Variants in PLPP4 observed in about 807,000 individuals in gnomAD.
PLPP4 encodes the protein phospholipid phosphatase 4, also known as diacylglycerol pyrophosphate like 2.
PLPP4 carries 20 observed loss-of-function variants against 32.2 expected under a neutral mutation model. The observed-to-expected ratio is 0.62, with a 90% CI of 0.44 to 0.90. PLPP4 has a LOEUF of 0.90. Ranked by LOEUF, PLPP4 falls within the 40% of genes least tolerant of loss-of-function variation. PLPP4 has a pLI of 0.00. For missense variants in PLPP4, 257 were observed against 353.1 expected (o/e 0.73, Z 2.18); for synonymous variants, 127 against 133.0 (o/e 0.95, Z 0.31).
At chr10:120,462,022 A>G (rs538389229) in intron 1 of PLPP4, among the ~76,000 whole-genome samples, 2 of 152,320 alleles carry the variant, frequency 1.3e-5, no homozygotes, top group South Asian at 2.1e-4. Flanking sequence ...GTAAGACTCC[A>G]TGCTGGGGAC....
rs747456329 is a variant in PLPP4 at position 120,457,284 on chromosome 10, C to G, written c.-22C>G. On this transcript the variant is annotated 5_prime_UTR_variant, in exon 1 of 7. Coordinates refer to ENST00000398250, the MANE Select transcript of PLPP4 (RefSeq NM_001030059.3). ...CCGCGGAGAGCACCAGCTGACGCCG[C>G]GGGAGCTGCTCCGGCCGCACCATGC... 28 of 1,482,372 alleles carry G rather than the reference C, an allele frequency of 1.9e-5. No individual in the cohort carries two copies. In the South Asian group the frequency reaches 3.5e-4, roughly 19 times the overall value. 91.8% of individuals were successfully genotyped at this position (1,482,372 alleles called of 1,614,324 possible).
chr10:120,478,204 A>G (rs1844024772), intron 1 of PLPP4, among the ~76,000 whole-genome samples: 1 of 152,230 alleles, frequency 6.6e-6, no homozygotes, highest in African/African-American at 2.4e-5. Flanking sequence ...ACACATACCA[A>G]GGTTTTCCAC....
At chr10:120,480,161 TAGAG>T (rs997826316) in intron 1 of PLPP4, among the ~76,000 whole-genome samples, 3 of 152,212 alleles carry the variant, frequency 2.0e-5, no homozygotes, top group Admixed American at 1.3e-4. Flanking sequence ...GGCTGGTTCT[TAGAG>T]AGGGACAGTT....
intron 5 of PLPP4, among the ~76,000 whole-genome samples, chr10:120,548,782 A>T (rs1847752723): frequency 6.6e-6 from 1 of 151,990 alleles, no homozygotes; most frequent in African/African-American, 2.4e-5. Context: ...CTGTCATGAA[A>T]TGGTATCTCT....
intron 2 of PLPP4, among the ~76,000 whole-genome samples, chr10:120,505,707 A>G (rs1845460037): frequency 6.6e-6 from 1 of 152,198 alleles, no homozygotes; most frequent in African/African-American, 2.4e-5. Context: ...ATCTTAGGGA[A>G]ATTGACAAAT....
rs1474045182 is a variant in PLPP4, at chr10:120,590,138, C to T, written c.*636C>T. On this transcript the variant is annotated 3_prime_UTR_variant, in exon 7 of 7. Coordinates refer to ENST00000398250, the MANE Select transcript of PLPP4 (RefSeq NM_001030059.3). Reference sequence around the variant, plus strand: ...ACCAAACACAATGAGCATGAAGATGCATGAGTGCATGTGTGGGGGATGAGG... The same window carrying T: ...ACCAAACACAATGAGCATGAAGATGTATGAGTGCATGTGTGGGGGATGAGG... Among the ~76,000 whole-genome samples, 1 of 152,200 alleles carries T rather than the reference C, an allele frequency of 6.6e-6. No individual in the cohort carries two copies. Among genetic ancestry groups the T allele is most frequent in the African/African-American group, 2.4e-5 (1 of 41,454 alleles).
chr10:120,463,531 C>T (rs1848170742), intron 1 of PLPP4, among the ~76,000 whole-genome samples: 1 of 152,194 alleles, frequency 6.6e-6, no homozygotes, highest in Admixed American at 6.5e-5. Flanking sequence ...AGATAAGGTA[C>T]TTTAAGTGCC....
intron 1 of PLPP4, among the ~76,000 whole-genome samples, chr10:120,482,430 C>A (rs1370283098): frequency 6.6e-6 from 1 of 152,048 alleles, no homozygotes; most frequent in East Asian, 1.9e-4. Flanking sequence ...TTTGCCCCTG[C>A]CCTAGAGATT....
At chr10:120,554,949 C>T (rs1223636584) in intron 5 of PLPP4, among the ~76,000 whole-genome samples, 2 of 152,086 alleles carry the variant, frequency 1.3e-5, no homozygotes, top group Non-Finnish European at 2.9e-5. Flanking sequence ...CTGCATACGT[C>T]CAGCAACCAG....
chr10:120,506,764 A>G (rs1171466232), intron 2 of PLPP4, among the ~76,000 whole-genome samples: 3 of 152,228 alleles, frequency 2.0e-5, no homozygotes, highest in African/African-American at 7.2e-5. Context: ...TGTCACTGGA[A>G]GCCTCCTAAC....
chr10:120,572,417 C>G (rs1364852167), intron 5 of PLPP4, among the ~76,000 whole-genome samples: 1 of 152,244 alleles, frequency 6.6e-6, no homozygotes, highest in East Asian at 1.9e-4. Flanking sequence ...GTCTTAAAGT[C>G]TCCAAGTCAT....
intron 3 of PLPP4, among the ~76,000 whole-genome samples, chr10:120,514,641 A>G (rs764234020): frequency 6.6e-6 from 1 of 152,150 alleles, no homozygotes; most frequent in Non-Finnish European, 1.5e-5. Context: ...TCAGGATTAA[A>G]TGCGTTTTTC....
intron 1 of PLPP4, among the ~76,000 whole-genome samples, chr10:120,474,671 T>G (rs1041463897): frequency 6.6e-6 from 1 of 152,148 alleles, no homozygotes; most frequent in East Asian, 1.9e-4. Flanking sequence ...CTTTTGTTTC[T>G]CCTGACACAA....
At chr10:120,521,203 A>G (rs889956577) in intron 5 of PLPP4, 108 bp downstream of exon 5, 2 of 1,358,056 alleles carry the variant, frequency 1.5e-6, no homozygotes, top group African/African-American at 1.5e-5. Context: ...TGTTAAGCGC[A>G]GTTCATTTTT....
intron 5 of PLPP4, among the ~76,000 whole-genome samples, chr10:120,540,219 C>T (rs1847275141): frequency 1.3e-5 from 2 of 152,200 alleles, no homozygotes; most frequent in Non-Finnish European, 2.9e-5. Context: ...CAGCTCTCCC[C>T]AGGGCCTGTC....
At chr10:120,538,044 C>CTGTG (rs1564825148) in intron 5 of PLPP4, among the ~76,000 whole-genome samples, 13 of 31,242 alleles carry the variant, frequency 4.2e-4, no homozygotes, top group East Asian at 9.4e-4. Context: ...CTCTCTCTCT[C>CTGTG]TCTCTCTCTG....
chr10:120,566,726 T>C, intron 5 of PLPP4, among the ~76,000 whole-genome samples: 1 of 152,114 alleles, frequency 6.6e-6, no homozygotes, highest in East Asian at 1.9e-4. Flanking sequence ...GGCTAATTTT[T>C]GTATTTTTAG....
rs56068621 is a variant in PLPP4, at chr10:120,561,438, G to T, written c.446-13693G>T. Among the ~76,000 whole-genome samples the T allele has an allele frequency of 9.5e-3, 1,447 of 152,050 alleles. 34 individuals carry two copies. Among genetic ancestry groups the T allele is most frequent in the African/African-American group, 0.034 (1,393 of 41,476 alleles). ...CATATTTCATGTTCATGTAAGGATG[G>T]GTCTTTTTCTTGGCTTTTAAAATTC... On this transcript the variant is annotated intron_variant, in intron 5 of 6. Coordinates refer to ENST00000398250, the MANE Select transcript of PLPP4 (RefSeq NM_001030059.3).
intron 1 of PLPP4, among the ~76,000 whole-genome samples, chr10:120,485,333 T>C (rs937604863): frequency 6.6e-6 from 1 of 152,230 alleles, no homozygotes; most frequent in East Asian, 1.9e-4. Flanking sequence ...TGCTAAACTC[T>C]TTTCACCTGC....
Sources: allele counts gnomAD v4.1 joint callset (sites outside exome capture counted in the v4.1 genomes callset), GRCh38; gene constraint gnomAD v4.1.1; transcripts MANE v1.5; gene names NCBI Gene and HGNC (gene_info 2026-07-23, HGNC 2026-07-21).